Variants in PLEKHA7 observed in about 807,000 individuals in gnomAD.
PLEKHA7 encodes the protein pleckstrin homology domain-containing family A member 7.
A neutral mutation model predicts 170.0 loss-of-function variants in PLEKHA7; 104 were observed. The ratio of observed to expected loss-of-function variants is 0.61; its 90% confidence interval spans 0.52 to 0.72. The LOEUF is 0.72. Among genes scored for constraint, PLEKHA7 ranks in the 30% least tolerant of loss-of-function variants. PLEKHA7 has a pLI of 0.00. For synonymous variants in PLEKHA7, 648 were observed against 660.8 expected (o/e 0.98, Z 0.30); for missense variants, 1,615 against 1,671.7 (o/e 0.97, Z 0.59).
chr11:16,791,176 G>A lies in PLEKHA7; in HGVS notation c.2769C>T (p.Pro923=), dbSNP rs779865416. The A allele has an allele frequency of 6.3e-7, 1 of 1,599,598 alleles. No homozygotes were observed. The highest frequency in any genetic ancestry group is 8.5e-7 in the Non-Finnish European group (1 of 1,171,966). Residue 923 remains proline, a synonymous_variant, in exon 20 of 27, where the codon CCC becomes CCT. Coordinates refer to ENST00000531066, the MANE Select transcript of PLEKHA7 (RefSeq NM_001329630.2). This position sits in a 1 kb window ranked among gnomAD's most constrained non-coding sequence, Gnocchi z 4.5. The part of the protein sequence containing the change: ...PKVEDEAPPR[P]PLPELYSPED... ...CTGGGCTGTAGAGTTCGGGGAGTGG[G>A]GGCCTGGGAGGTGCTTCATCTTCCT... is the stretch of plus-strand genomic sequence containing the variant.
chr11:16,892,557 C>T (rs1590506638), intron 3 of PLEKHA7, among the ~76,000 whole-genome samples: 1 of 151,492 alleles, frequency 6.6e-6, no homozygotes, highest in African/African-American at 2.4e-5. Context: ...GTGATCCTCC[C>T]ACCTCAGCCT....
intron 3 of PLEKHA7, among the ~76,000 whole-genome samples, chr11:17,004,291 T>A (rs2137067352): frequency 6.6e-6 from 1 of 152,340 alleles, no homozygotes; most frequent in Non-Finnish European, 1.5e-5. Flanking sequence ...ATGGCTGAAA[T>A]GTCTGAGAAG....
intron 4 of PLEKHA7, among the ~76,000 whole-genome samples, chr11:16,863,960 GCTTGGCAT>G (rs1335820996): frequency 1.3e-5 from 2 of 152,172 alleles, no homozygotes; most frequent in Non-Finnish European, 2.9e-5. Context: ...TACTGAGGAG[GCTTGGCAT>G]CTTTCAAACA....
chr11:16,816,215 G>A lies in PLEKHA7; in HGVS notation c.1916C>T (p.Thr639Ile), dbSNP rs1263370323. 1.9e-6 allele frequency: 3 copies of A among 1,613,852 alleles called. No homozygotes were observed. In the African/African-American group the frequency reaches 4.0e-5, roughly 22 times the overall value. Residue 639 changes from threonine to isoleucine, a missense_variant, in exon 12 of 27, where the codon ACC (threonine) becomes ATC (isoleucine). Coordinates refer to ENST00000531066, the MANE Select transcript of PLEKHA7 (RefSeq NM_001329630.2). ...TAAACTGGGAGCGCTGACGGTGTGG[G>A]TCATGTAACCCATGGAGGGCATGGA... ...RRSMPSMGYM[T>I]HTVSAPSLHG... is the part of the protein sequence containing the mutation.
At chr11:16,809,673 CTCAG>C (rs1849227084) in intron 13 of PLEKHA7, among the ~76,000 whole-genome samples, 2 of 152,232 alleles carry the variant, frequency 1.3e-5, no homozygotes. Flanking sequence ...ATTCATCCCA[CTCAG>C]TTTCATTGAG....
At chr11:16,941,445 C>G (rs1860687180) in intron 3 of PLEKHA7, among the ~76,000 whole-genome samples, 1 of 152,172 alleles carries the variant, frequency 6.6e-6, no homozygotes, top group African/African-American at 2.4e-5. Flanking sequence ...AAAGGGGCAC[C>G]ACAGGAGAAT....
At chr11:16,958,926 G>A (rs1317624591) in intron 3 of PLEKHA7, among the ~76,000 whole-genome samples, 1 of 152,156 alleles carries the variant, frequency 6.6e-6, no homozygotes, top group Non-Finnish European at 1.5e-5. Context: ...TGTCAATGCT[G>A]GGGTGGGTAC....
intron 13 of PLEKHA7, among the ~76,000 whole-genome samples, chr11:16,810,627 A>G (rs189674658): frequency 6.0e-4 from 91 of 152,346 alleles, no homozygotes; most frequent in African/African-American, 2.1e-3. Flanking sequence ...CAACTTCCAG[A>G]AAGTCCAATA....
intron 3 of PLEKHA7, among the ~76,000 whole-genome samples, chr11:16,898,814 T>TC (rs1192571046): frequency 6.6e-6 from 1 of 152,172 alleles, no homozygotes; most frequent in Non-Finnish European, 1.5e-5. Context: ...TCCCCCTAGT[T>TC]CACTGTCCTC....
Position 16,826,168 on chromosome 11 carries a change from A to G in PLEKHA7, c.1295T>C (p.Leu432Pro), listed in dbSNP as rs765402603. 1.9e-5 allele frequency: 30 copies of G among 1,614,034 alleles called. No individual in the cohort carries two copies. Among genetic ancestry groups the G allele is most frequent in the Admixed American group, 1.8e-4 (11 of 60,012 alleles). ...CCTTGCCCAGTGCTCCACCTGGGCC[A>G]GATTGCTCTTCCTTTGGCTGTGTTT... The part of the protein sequence containing the change: ...PEKHSQRKSN[L>P]AQVEHWARAQ... Residue 432 changes from leucine to proline, a missense_variant, in exon 10 of 27, where the codon CTG (leucine) becomes CCG (proline). Coordinates refer to ENST00000531066, the MANE Select transcript of PLEKHA7 (RefSeq NM_001329630.2).
At chr11:16,845,715 A>G (rs1852343286) in intron 8 of PLEKHA7, among the ~76,000 whole-genome samples, 1 of 152,142 alleles carries the variant, frequency 6.6e-6, no homozygotes, top group South Asian at 2.1e-4. Flanking sequence ...TTTTGTTTGG[A>G]AAGACCACTC....
At chr11:16,937,409 A>G (rs1419175494) in intron 3 of PLEKHA7, among the ~76,000 whole-genome samples, 1 of 152,226 alleles carries the variant, frequency 6.6e-6, no homozygotes, top group Non-Finnish European at 1.5e-5. Context: ...ATGTACATCT[A>G]TGATAAACAC....
intron 3 of PLEKHA7, among the ~76,000 whole-genome samples, chr11:16,889,527 G>A (rs1386441524): frequency 6.7e-6 from 1 of 149,398 alleles, no homozygotes; most frequent in African/African-American, 2.5e-5. Context: ...ACCTGAGCTT[G>A]CAAAGTTGAA....
intron 3 of PLEKHA7, among the ~76,000 whole-genome samples, chr11:16,925,992 A>C (rs912348187): frequency 2.6e-5 from 4 of 152,256 alleles, no homozygotes; most frequent in African/African-American, 9.6e-5. Flanking sequence ...AGACACCAGC[A>C]GACCTGTCAT....
At chr11:16,861,041 C>T (rs1161725699) in intron 4 of PLEKHA7, among the ~76,000 whole-genome samples, 1 of 152,190 alleles carries the variant, frequency 6.6e-6, no homozygotes, top group Non-Finnish European at 1.5e-5. Context: ...AATTTAAATC[C>T]CAGCTACACT....
chr11:16,917,894 C>T (rs1858811704), intron 3 of PLEKHA7, among the ~76,000 whole-genome samples: 2 of 152,188 alleles, frequency 1.3e-5, no homozygotes, highest in Admixed American at 6.5e-5. Context: ...GTTGAACCTT[C>T]TTGGTTGGTT....
intron 3 of PLEKHA7, among the ~76,000 whole-genome samples, chr11:16,971,436 T>G (rs544239708): frequency 1.6e-3 from 244 of 152,384 alleles, no homozygotes; most frequent in African/African-American, 5.6e-3. Context: ...GCAAAAGTTT[T>G]TTGTTTGGTT....
chr11:16,786,053 C>T (rs1325488638), intron 24 of PLEKHA7, among the ~76,000 whole-genome samples, 176 bp downstream of exon 24: 2 of 152,224 alleles, frequency 1.3e-5, no homozygotes, highest in East Asian at 1.9e-4. Context: ...GAACCTTCAT[C>T]GAAACATCTG....
intron 19 of PLEKHA7, among the ~76,000 whole-genome samples, chr11:16,794,003 G>C (rs1224833190): frequency 6.6e-6 from 1 of 152,206 alleles, no homozygotes; most frequent in Admixed American, 6.5e-5. Flanking sequence ...TATACTCTGC[G>C]AGGTTATTTT....
Sources: allele counts gnomAD v4.1 joint callset (sites outside exome capture counted in the v4.1 genomes callset), GRCh38; gene constraint gnomAD v4.1.1; non-coding constraint Gnocchi (gnomAD v3.1); transcripts MANE v1.5; gene names NCBI Gene and HGNC (gene_info 2026-07-23, HGNC 2026-07-21).